Variants in NLK observed in about 807,000 individuals in gnomAD.
NLK encodes nemo like kinase.
In NLK, 11 loss-of-function variants were observed where a neutral mutation model predicts 59.0. That is an observed-to-expected ratio of 0.19 (90% CI 0.12 to 0.31). NLK has a LOEUF of 0.31. Ranked by LOEUF, NLK falls within the 10% of genes least tolerant of loss-of-function variation. The pLI, the probability that NLK is intolerant of heterozygous loss-of-function variation, is 1.00. For missense variants in NLK, 410 were observed against 661.1 expected (o/e 0.62, Z 4.16); for synonymous variants, 235 against 235.9 (o/e 1.00, Z 0.03).
intron 1 of NLK, among the ~76,000 whole-genome samples, chr17:28,103,877 A>T (rs73989103): frequency 5.1e-4 from 77 of 152,320 alleles, no homozygotes; most frequent in Middle Eastern, 3.4e-3. Context: ...ATTTTGTTGT[A>T]TACACTCACT....
At chr17:28,118,031 G>C (rs1038796508) in intron 1 of NLK, among the ~76,000 whole-genome samples, 1 of 152,020 alleles carries the variant, frequency 6.6e-6, no homozygotes, top group Non-Finnish European at 1.5e-5. Flanking sequence ...GTGTATCCTT[G>C]AATATATAAC....
chr17:28,144,542 CA>C (rs1907159874), intron 3 of NLK, among the ~76,000 whole-genome samples: 1 of 152,030 alleles, frequency 6.6e-6, no homozygotes, highest in South Asian at 2.1e-4. Flanking sequence ...TGAATAATAA[CA>C]AAGCCACACT....
chr17:28,127,648 T>C (rs1906345386), intron 2 of NLK, among the ~76,000 whole-genome samples: 1 of 152,212 alleles, frequency 6.6e-6, no homozygotes, highest in Admixed American at 6.5e-5. Flanking sequence ...TTGATAGGTC[T>C]TTTCTTCCCA....
intron 1 of NLK, among the ~76,000 whole-genome samples, chr17:28,078,402 G>T (rs1910237924): frequency 6.6e-6 from 1 of 151,766 alleles, no homozygotes; most frequent in Non-Finnish European, 1.5e-5. Context: ...GCAAAATTTG[G>T]GAAGTACGGA....
At chr17:28,154,028 A>G (rs1431262032) in intron 3 of NLK, among the ~76,000 whole-genome samples, 1 of 152,136 alleles carries the variant, frequency 6.6e-6, no homozygotes, top group Non-Finnish European at 1.5e-5. Flanking sequence ...AAGAGTTTTC[A>G]ACCTTAAAAC....
intron 1 of NLK, among the ~76,000 whole-genome samples, chr17:28,057,801 T>C (rs955885053): frequency 2.0e-5 from 3 of 152,200 alleles, no homozygotes; most frequent in African/African-American, 7.2e-5. Flanking sequence ...GTTAAACTCA[T>C]TTTCAGTAAA....
chr17:28,070,790 A>G (rs767570604), intron 1 of NLK, among the ~76,000 whole-genome samples: 1 of 152,242 alleles, frequency 6.6e-6, no homozygotes, highest in African/African-American at 2.4e-5. Flanking sequence ...ATTCTAAAAT[A>G]CTAATTTTAC....
chr17:28,200,964 T>A (rs570372063), downstream of NLK, among the ~76,000 whole-genome samples: 1 of 152,366 alleles, frequency 6.6e-6, no homozygotes, highest in African/African-American at 2.4e-5. Context: ...CTTTCTCCAT[T>A]CAGTTGCCTT....
intron 1 of NLK, among the ~76,000 whole-genome samples, chr17:28,094,314 C>T (rs1904619645): frequency 1.3e-5 from 2 of 152,172 alleles, no homozygotes; most frequent in Non-Finnish European, 2.9e-5. Context: ...TTGCTTTTGT[C>T]TTAAGAACCT....
At chr17:28,140,827 C>CCTG (rs1906960166) in intron 3 of NLK, among the ~76,000 whole-genome samples, 2 of 151,924 alleles carry the variant, frequency 1.3e-5, no homozygotes, top group African/African-American at 4.8e-5. Flanking sequence ...GGAAGACTTA[C>CCTG]CTGCAACTTA....
At chr17:28,175,369 T>G (rs1479114308) in intron 7 of NLK, among the ~76,000 whole-genome samples, 1 of 151,278 alleles carries the variant, frequency 6.6e-6, no homozygotes, top group East Asian at 1.9e-4. Flanking sequence ...GAGAATGGCA[T>G]GAACCCAGGA....
chr17:28,055,232 A>G (rs1476199949), intron 1 of NLK, among the ~76,000 whole-genome samples: 1 of 151,560 alleles, frequency 6.6e-6, no homozygotes, highest in Non-Finnish European at 1.5e-5. Context: ...AGCTGGGACT[A>G]CACGCACACG....
chr17:28,122,362 T>C (rs574023549), intron 1 of NLK, among the ~76,000 whole-genome samples: 1 of 152,260 alleles, frequency 6.6e-6, no homozygotes, highest in East Asian at 1.9e-4. Context: ...TTTATAGAAA[T>C]TTAGACAGGG....
intron 1 of NLK, among the ~76,000 whole-genome samples, chr17:28,050,827 G>A (rs1909226464): frequency 2.0e-5 from 3 of 152,110 alleles, no homozygotes; most frequent in South Asian, 2.1e-4. Context: ...AAAGAAGGCC[G>A]GCCATGGTGG....
intron 5 of NLK, 74 bp from the exon 6 acceptor site, chr17:28,168,374 C>A: frequency 1.8e-6 from 2 of 1,121,386 alleles, no homozygotes; most frequent in Non-Finnish European, 2.7e-6. Flanking sequence ...AGTGCCCTAT[C>A]AAAATTTTGA....
At chr17:28,120,318 G>T (rs978333060) in intron 1 of NLK, among the ~76,000 whole-genome samples, 11 of 151,586 alleles carry the variant, frequency 7.3e-5, no homozygotes, top group African/African-American at 2.7e-4. Context: ...GTGTTGCCTA[G>T]ACTGGTCTCA....
chr17:28,075,688 G>A (rs1290664266), intron 1 of NLK, among the ~76,000 whole-genome samples: 1 of 152,128 alleles, frequency 6.6e-6, no homozygotes, highest in African/African-American at 2.4e-5. Context: ...AGTCAAATGT[G>A]CACCCTCCTC....
chr17:28,186,303 G>A (rs573901926), intron 8 of NLK, among the ~76,000 whole-genome samples: 1 of 151,896 alleles, frequency 6.6e-6, no homozygotes, highest in Admixed American at 6.5e-5. Context: ...TTCTGTTAAG[G>A]AGTTCAGGTT....
chr17:28,157,119 T>TG (rs1009986661), intron 3 of NLK, among the ~76,000 whole-genome samples: 2 of 151,966 alleles, frequency 1.3e-5, no homozygotes, highest in African/African-American at 4.8e-5. Flanking sequence ...CAGGCTCAAG[T>TG]GATCCTCCCA....
Sources: allele counts gnomAD v4.1 joint callset (sites outside exome capture counted in the v4.1 genomes callset), GRCh38; gene constraint gnomAD v4.1.1; transcripts MANE v1.5; gene names NCBI Gene and HGNC (gene_info 2026-07-23, HGNC 2026-07-21).